Variants in MAGI1 observed in about 807,000 individuals in gnomAD.
MAGI1 encodes membrane associated guanylate kinase, WW and PDZ domain containing 1.
A neutral mutation model predicts 139.9 loss-of-function variants in MAGI1; 58 were observed. The ratio of observed to expected loss-of-function variants is 0.41; its 90% CI spans 0.34 to 0.52. The LOEUF is 0.52. Ranked by LOEUF, MAGI1 falls within the 20% of genes least tolerant of loss-of-function variation. MAGI1 has a pLI of 0.12. For synonymous variants in MAGI1, 812 were observed against 737.9 expected (o/e 1.10, Z -1.63); for missense variants, 1,874 against 1,901.6 (o/e 0.99, Z 0.27).
intron 2 of MAGI1, among the ~76,000 whole-genome samples, chr3:65,511,308 T>C (rs2077577385): frequency 6.7e-6 from 1 of 149,000 alleles, no homozygotes; most frequent in African/African-American, 2.4e-5. Context: ...ATAACAATAT[T>C]AACTTTAAAT....
intron 1 of MAGI1, among the ~76,000 whole-genome samples, chr3:65,669,589 G>A (rs527271867): frequency 1.8e-4 from 28 of 152,268 alleles, no homozygotes; most frequent in Admixed American, 1.2e-3. Flanking sequence ...CACTTCCACC[G>A]CTTAGTAGCC....
chr3:65,582,624 G>C (rs184342796), intron 2 of MAGI1, among the ~76,000 whole-genome samples: 10 of 152,216 alleles, frequency 6.6e-5, no homozygotes, highest in Admixed American at 3.9e-4. Context: ...TTGAAAGCAA[G>C]CTTCTCCAGA....
intron 18 of MAGI1, 68 bp from the exon 19 acceptor site, chr3:65,365,014 G>T: frequency 8.0e-7 from 1 of 1,256,096 alleles, no homozygotes; most frequent in Non-Finnish European, 1.2e-6. Context: ...CAGGAGGTGT[G>T]CAGAAGCCCT....
chr3:65,376,320 C>T (rs1325094080), intron 17 of MAGI1, among the ~76,000 whole-genome samples: 1 of 152,212 alleles, frequency 6.6e-6, no homozygotes, highest in African/African-American at 2.4e-5. Flanking sequence ...AAACCCAAGG[C>T]TGGGATGGAT....
intron 14 of MAGI1, chr3:65,387,264 T>C (rs1329532135): frequency 6.8e-7 from 1 of 1,475,802 alleles, no homozygotes; most frequent in Non-Finnish European, 9.5e-7. Context: ...AAGCTTAATG[T>C]ACATTCTTTC....
At chr3:65,462,618 T>C (rs879415873) in intron 5 of MAGI1, among the ~76,000 whole-genome samples, 8 of 152,234 alleles carry the variant, frequency 5.3e-5, no homozygotes, top group Non-Finnish European at 8.8e-5. Flanking sequence ...TCTGGTTCTA[T>C]ATGAAATTTA....
chr3:66,022,884 T>C (rs1162863678), intron 1 of MAGI1, among the ~76,000 whole-genome samples: 1 of 152,232 alleles, frequency 6.6e-6, no homozygotes, highest in African/African-American at 2.4e-5. Flanking sequence ...GGAACTTAAC[T>C]GTGCATTTGC....
intron 12 of MAGI1, among the ~76,000 whole-genome samples, chr3:65,425,777 G>C (rs1043509061): frequency 6.6e-6 from 1 of 152,104 alleles, no homozygotes; most frequent in African/African-American, 2.4e-5. Context: ...CCTACTGATA[G>C]GTGTGAATTT....
chr3:65,599,217 G>T (rs572145044), intron 2 of MAGI1, among the ~76,000 whole-genome samples: 2 of 152,268 alleles, frequency 1.3e-5, no homozygotes, highest in African/African-American at 4.8e-5. Context: ...ACAAATGGGT[G>T]GATCATAGGA....
At chr3:65,496,990 T>C (rs1451366702) in intron 2 of MAGI1, among the ~76,000 whole-genome samples, 2 of 151,986 alleles carry the variant, frequency 1.3e-5, no homozygotes, top group East Asian at 1.9e-4. Context: ...TTTGCAGAGA[T>C]TGAGAAGGCT....
intron 17 of MAGI1, among the ~76,000 whole-genome samples, chr3:65,378,788 T>A (rs991590265): frequency 6.6e-6 from 1 of 152,002 alleles, no homozygotes; most frequent in African/African-American, 2.4e-5. Flanking sequence ...TTCAAGCGAT[T>A]CTCTTGCCTC....
chr3:65,657,433 CAAAAAA>C (rs34377694), intron 1 of MAGI1, among the ~76,000 whole-genome samples: 1 of 134,938 alleles, frequency 7.4e-6, no homozygotes, highest in Non-Finnish European at 1.6e-5. Context: ...CCATCTCTAT[CAAAAAA>C]AAAAAAAAAA....
chr3:65,501,700 C>CTAAA (rs2077089549), intron 2 of MAGI1, among the ~76,000 whole-genome samples: 1 of 152,104 alleles, frequency 6.6e-6, no homozygotes, highest in Non-Finnish European at 1.5e-5. Context: ...AATCCCACTC[C>CTAAA]TAAATGTTTA....
chr3:65,458,994 T>C (rs1459046520), intron 5 of MAGI1, among the ~76,000 whole-genome samples: 2 of 152,192 alleles, frequency 1.3e-5, no homozygotes, highest in African/African-American at 2.4e-5. Context: ...GAGAGAGATA[T>C]GGGATAGTTT....
intron 1 of MAGI1, among the ~76,000 whole-genome samples, chr3:65,736,253 A>C (rs1295910451): frequency 6.6e-6 from 1 of 152,222 alleles, no homozygotes; most frequent in Non-Finnish European, 1.5e-5. Flanking sequence ...TAGCAGCTTC[A>C]TCTATGTGGG....
In MAGI1 at chr3:65,901,061, C is replaced by G. The variant is rs1189764654; in HGVS notation, c.313+136935G>C. 1.6e-4 allele frequency among the ~76,000 whole-genome samples: 24 copies of G among 152,370 alleles called. No individual in the cohort carries two copies. The East Asian group carries it at 1.7e-3, about 11-fold the overall frequency. On this transcript the variant is annotated intron_variant, in intron 1 of 22. Coordinates refer to ENST00000402939, the MANE Select transcript of MAGI1 (RefSeq NM_001033057.2). Reference sequence around the variant, plus strand: ...GGGGTGTTTCCAAAACTGGCCTACACTGGATAACCCTTACCTTGGGTATGC... The same window carrying G: ...GGGGTGTTTCCAAAACTGGCCTACAGTGGATAACCCTTACCTTGGGTATGC...
At chr3:65,946,331 C>T (rs543150972) in intron 1 of MAGI1, among the ~76,000 whole-genome samples, 2 of 152,378 alleles carry the variant, frequency 1.3e-5, no homozygotes, top group African/African-American at 2.4e-5. Context: ...GGGCTATTGA[C>T]GCTGACCTCC....
Position 65,896,859 on chromosome 3 carries a change from T to C in MAGI1, c.313+141137A>G, listed in dbSNP as rs544076733. On this transcript the variant is annotated intron_variant, in intron 1 of 22. Coordinates refer to ENST00000402939, the MANE Select transcript of MAGI1 (RefSeq NM_001033057.2). ...AAATGAATATTCAAGTAACAAAATG[T>C]ATACTGTTCAATATAAATTTTGATT... Among the ~76,000 whole-genome samples the C allele has an allele frequency of 8.7e-4, 132 of 152,282 alleles. 1 individual carries two copies. Among genetic ancestry groups the C allele is most frequent in the African/African-American group, 2.8e-3 (118 of 41,564 alleles).
In MAGI1 at chr3:65,379,518, G is replaced by T. The variant is rs1027102265; in HGVS notation, c.2738C>A (p.Ser913Tyr). ...CGGCTGGTTGCTACTGTGATGAGAGGAGGCTGGCGAGGGCACCTCGTTCTC... is the reference window on the plus strand; with the variant it reads ...CGGCTGGTTGCTACTGTGATGAGAGTAGGCTGGCGAGGGCACCTCGTTCTC... ...KTENEVPSPA[S>Y]SHHSSNQPAS... The change falls in exon 17 of 23, where the codon TCC (serine) becomes TAC (tyrosine). Residue 913 changes from serine to tyrosine, a missense_variant. By Grantham distance (144) the Ser-to-Tyr change is moderately radical. Transcript: ENST00000402939. The T allele has an allele frequency of 5.0e-6, 8 of 1,612,292 alleles. No homozygotes were observed. The highest frequency in any genetic ancestry group is 6.8e-6 in the Non-Finnish European group (8 of 1,178,674).
Sources: gnomAD v4.1 joint callset for allele counts (sites outside exome capture counted in the v4.1 genomes callset) on GRCh38, gnomAD v4.1.1 for gene constraint, MANE v1.5 for transcripts, NCBI Gene and HGNC (gene_info 2026-07-23, HGNC 2026-07-21) for gene names.